The following ANGPT2 variants were observed in gnomAD, a reference collection of about 807,000 sequenced individuals.
ANGPT2 encodes the protein angiopoietin 2.
ANGPT2 carries 28 observed loss-of-function variants against 62.9 expected under a neutral mutation model. That is an observed-to-expected ratio of 0.44 (90% CI 0.33 to 0.61). The LOEUF (loss-of-function observed/expected upper bound fraction) is 0.61, where lower values mean the gene tolerates loss of function less well. ANGPT2 is among the 20% of genes least tolerant of loss of function. The pLI is 0.03. For synonymous variants in ANGPT2, 284 were observed against 207.8 expected, an observed-to-expected ratio of 1.37 and a Z score of -3.15; for missense variants, 727 against 594.9, an observed-to-expected ratio of 1.22 and a Z score of -2.31.
At position 6,499,910 on chromosome 8, in the gene ANGPT2, A is replaced by C. The variant is rs201078106; in HGVS notation, c.*3191T>G. The C allele has an allele frequency of 6.1e-5, 99 of 1,613,696 alleles. No homozygotes were observed. In the African/African-American group the frequency reaches 1.2e-3, roughly 20 times the overall value. On this transcript the variant is annotated 3_prime_UTR_variant, in exon 9 of 9. Coordinates refer to ENST00000629816, the MANE Select transcript of ANGPT2 (RefSeq NM_001118887.2). ...TCTGAGGAGCCGTTCGAACTGTCTC[A>C]CCACTTCCCTGCAGCTCCCGTAAGT... is the stretch of plus-strand genomic sequence containing the variant.
rs1812559305 is a variant in ANGPT2, at chr8:6,503,266, G to T, written c.1328-5C>A. 1 of 1,614,072 alleles carries T rather than the reference G, an allele frequency of 6.2e-7. No homozygotes were observed. Among genetic ancestry groups the T allele is most frequent in the Non-Finnish European group, 8.5e-7 (1 of 1,179,994 alleles). The stretch of plus-strand genomic sequence containing the variant: ...CACATGCATCAAACCACCAGCCTGT[G>T]AAAGTAAAACACAGAAGGAATTAGG... On this transcript the variant is annotated splice_region_variant and splice_polypyrimidine_tract_variant and intron_variant, in intron 8 of 8. Transcript: ENST00000629816.
At chr8:6,533,257 C>T (rs1248710556) in intron 1 of ANGPT2, among the ~76,000 whole-genome samples, 1 of 152,180 alleles carries the variant, frequency 6.6e-6, no homozygotes, top group Non-Finnish European at 1.5e-5. Context: ...AACTGAAACA[C>T]AAGAGAAGGA....
intron 8 of ANGPT2, chr8:6,507,763 A>G (rs1229490608): frequency 4.0e-5 from 6 of 151,792 alleles, no homozygotes; most frequent in Admixed American, 3.9e-4. Flanking sequence ...TTGTATTTTT[A>G]GTAGAGATGG....
At chr8:6,550,014 G>C (rs1823340733) in intron 1 of ANGPT2, among the ~76,000 whole-genome samples, 5 of 152,234 alleles carry the variant, frequency 3.3e-5, no homozygotes, top group Admixed American at 3.3e-4. Context: ...ATCATTCGGG[G>C]ACGGGGGACG....
intron 8 of ANGPT2, among the ~76,000 whole-genome samples, chr8:6,504,579 A>C (rs951536028): frequency 6.6e-6 from 1 of 152,156 alleles, no homozygotes; most frequent in South Asian, 2.1e-4. Flanking sequence ...TGCAAGAGTG[A>C]TGATGCTGGC....
At position 6,549,263 on chromosome 8, in the gene ANGPT2, A is replaced by G. The variant is rs185130067; in HGVS notation, c.288+13384T>C. Among the ~76,000 whole-genome samples, 15 of 152,392 alleles carry G rather than the reference A, an allele frequency of 9.8e-5. No individual in the cohort carries two copies. In the East Asian group the frequency reaches 2.9e-3, roughly 29 times the overall value. ...TACGTAAATTGTGTTATACAGCGAAACACTGCACGGTGATGGAAAAGAAGA... is the reference window on the plus strand; with the variant it reads ...TACGTAAATTGTGTTATACAGCGAAGCACTGCACGGTGATGGAAAAGAAGA... On this transcript the variant is annotated intron_variant, in intron 1 of 8. Coordinates refer to ENST00000629816, the MANE Select transcript of ANGPT2 (RefSeq NM_001118887.2).
chr8:6,505,709 G>T (rs1262063226), intron 8 of ANGPT2, among the ~76,000 whole-genome samples: 1 of 80,638 alleles, frequency 1.2e-5, no homozygotes. Flanking sequence ...TCTTTATTAC[G>T]TATATATATT....
intron 5 of ANGPT2, among the ~76,000 whole-genome samples, chr8:6,518,316 C>T (rs1396538888): frequency 6.6e-6 from 1 of 152,188 alleles, no homozygotes; most frequent in Admixed American, 6.5e-5. Context: ...TCATGAAAAC[C>T]AGATAGCAAA....
intron 1 of ANGPT2, among the ~76,000 whole-genome samples, chr8:6,534,528 C>G (rs1302260762): frequency 6.6e-6 from 1 of 152,120 alleles, no homozygotes; most frequent in Non-Finnish European, 1.5e-5. Flanking sequence ...CTCAGCCCCC[C>G]AAAGTGCTGG....
chr8:6,547,992 G>C (rs1374648266), intron 1 of ANGPT2, among the ~76,000 whole-genome samples: 1 of 151,548 alleles, frequency 6.6e-6, no homozygotes, highest in Non-Finnish European at 1.5e-5. Flanking sequence ...ATTCTTGAAC[G>C]CTTCCCTCAG....
intron 1 of ANGPT2, among the ~76,000 whole-genome samples, chr8:6,557,714 C>CACAT (rs972904886): frequency 2.0e-5 from 3 of 150,690 alleles, no homozygotes; most frequent in Non-Finnish European, 4.4e-5. Context: ...CACACACACA[C>CACAT]ATACATATAT....
chr8:6,508,840 C>A (rs770081719), intron 8 of ANGPT2, 92 bp downstream of exon 8: 2 of 1,563,070 alleles, frequency 1.3e-6, no homozygotes, highest in African/African-American at 2.7e-5. Context: ...GACATCGTTA[C>A]AAATCACAAT....
intron 1 of ANGPT2, among the ~76,000 whole-genome samples, chr8:6,557,128 C>T (rs1824751299): frequency 6.6e-6 from 1 of 152,200 alleles, no homozygotes; most frequent in African/African-American, 2.4e-5. Context: ...ACACTCCTCT[C>T]AGCAGTTTTC....
rs572445106 is a variant in ANGPT2, at chr8:6,513,692, T to C, written c.1182A>G (p.Glu394=). The change falls in exon 7 of 9, where the codon GAA becomes GAG. Residue 394 remains glutamate (E), a synonymous_variant. Transcript: ENST00000629816. Reference sequence around the variant, plus strand: ...AACTCACTTACCTATAATTGAGTTCTTCACTTGAGAGATAGAAATGTTCAT... The same window carrying C: ...AACTCACTTACCTATAATTGAGTTCCTCACTTGAGAGATAGAAATGTTCAT... ...SLYEHFYLSS[E]ELNYRIHLKG... 1.9e-6 allele frequency: 3 copies of C among 1,610,366 alleles called. No individual in the cohort carries two copies. Among genetic ancestry groups the C allele is most frequent in the Non-Finnish European group, 2.5e-6 (3 of 1,179,040 alleles).
At chr8:6,538,602 A>G (rs1230620296) in intron 1 of ANGPT2, among the ~76,000 whole-genome samples, 1 of 151,968 alleles carries the variant, frequency 6.6e-6, no homozygotes, top group African/African-American at 2.4e-5. Context: ...CCGCCTTTGT[A>G]TCTCCTCCTT....
rs55993401 is a variant in ANGPT2, at chr8:6,533,806, G to C, written c.289-1319C>G. Among the ~76,000 whole-genome samples, 20 of 152,078 alleles carry C rather than the reference G, an allele frequency of 1.3e-4. 1 individual carries two copies. Among genetic ancestry groups the C allele is most frequent in the Admixed American group, 1.3e-3 (20 of 15,252 alleles). On this transcript the variant is annotated intron_variant, in intron 1 of 8. Transcript: ENST00000629816. ...AAACCATTCGTGGAGTCAGTCATCAGACATGATTTCCCCCAAAATGTTAAC... is the reference window on the plus strand; with the variant it reads ...AAACCATTCGTGGAGTCAGTCATCACACATGATTTCCCCCAAAATGTTAAC...
chr8:6,512,687 A>G (rs544546702), intron 7 of ANGPT2, among the ~76,000 whole-genome samples: 1 of 152,296 alleles, frequency 6.6e-6, no homozygotes, highest in South Asian at 2.1e-4. Context: ...TATCTTGCAC[A>G]CTAGGTTGTC....
At chr8:6,510,911 C>A (rs946336064) in intron 7 of ANGPT2, among the ~76,000 whole-genome samples, 2 of 152,190 alleles carry the variant, frequency 1.3e-5, no homozygotes, top group Admixed American at 1.3e-4. Context: ...GTGAGACTGG[C>A]CGTAGCTCAG....
At chr8:6,558,749 T>C (rs1000372895) in intron 1 of ANGPT2, among the ~76,000 whole-genome samples, 2 of 152,174 alleles carry the variant, frequency 1.3e-5, no homozygotes, top group African/African-American at 4.8e-5. Context: ...ATCTAAATAG[T>C]TAATCCAGTA....
Sources: allele counts gnomAD v4.1 joint callset (sites outside exome capture counted in the v4.1 genomes callset), GRCh38; gene constraint gnomAD v4.1.1; transcripts MANE v1.5; gene names NCBI Gene and HGNC (gene_info 2026-07-23, HGNC 2026-07-21).